The following DNAI4 variants were observed in gnomAD, a reference collection of about 807,000 sequenced individuals.
The protein encoded by DNAI4 is dynein axonemal intermediate chain 4.
Under a neutral mutation model 105.8 loss-of-function variants are expected in DNAI4, and 85 were observed. The observed-to-expected ratio is 0.80, with a 90% CI of 0.67 to 0.96. The LOEUF is 0.96. DNAI4 is among the 40% of genes least tolerant of loss of function. DNAI4 has a pLI of 0.00. For synonymous variants in DNAI4, 352 were observed against 331.5 expected (o/e 1.06, Z -0.67); for missense variants, 1,014 against 1,005.6 (o/e 1.01, Z -0.11).
At chr1:66,825,428 G>A (rs569132648) in intron 15 of DNAI4, among the ~76,000 whole-genome samples, 27 of 151,882 alleles carry the variant, frequency 1.8e-4, no homozygotes, top group African/African-American at 5.3e-4. Flanking sequence ...TGATCCACCC[G>A]CCTCGGCCTC....
At chr1:66,844,151 A>G (rs1039955978) in intron 8 of DNAI4, among the ~76,000 whole-genome samples, 2 of 151,314 alleles carry the variant, frequency 1.3e-5, no homozygotes, top group African/African-American at 4.8e-5. Context: ...AATTAATTCA[A>G]AATAAATAAC....
chr1:66,905,918 C>CTTTTTTTTTTTTTT (rs34206774), intron 1 of DNAI4, among the ~76,000 whole-genome samples: 1 of 96,404 alleles, frequency 1.0e-5, no homozygotes, highest in Non-Finnish European at 1.9e-5. Flanking sequence ...TTATATACTA[C>CTTTTTTTTTTTTTT]TTTTTTTTTT....
At chr1:66,875,051 G>C in intron 4 of DNAI4, 114 bp from the exon 5 acceptor site, 1 of 1,023,896 alleles carries the variant, frequency 9.8e-7, no homozygotes, top group East Asian at 2.6e-5. Flanking sequence ...GGTTTATATA[G>C]TCAAGGAACA....
At chr1:66,886,240 G>A (rs1348696788) in intron 4 of DNAI4, among the ~76,000 whole-genome samples, 2 of 152,002 alleles carry the variant, frequency 1.3e-5, no homozygotes, top group Non-Finnish European at 2.9e-5. Context: ...CTTGCACATT[G>A]TATACTTTCT....
chr1:66,924,728 G>A lies in DNAI4; in HGVS notation c.104C>T (p.Thr35Ile). ...TGGCATGGTGGCGACCAGCTGGGGA[G>A]TGGTGCACCACCCCTTTTTTTGGCC... ...RGGQKKGWCTTPQLVATMPVS... is the reference protein window; with the variant it reads ...RGGQKKGWCTIPQLVATMPVS... The change falls in exon 1 of 17, where the codon ACT (threonine) becomes ATT (isoleucine). Residue 35 changes from threonine to isoleucine, a missense_variant. Thr to Ile is a moderately conservative substitution (Grantham distance 89). Coordinates refer to ENST00000371026, the MANE Select transcript of DNAI4 (RefSeq NM_024763.5). 6.2e-7 allele frequency: 1 copy of A among 1,614,222 alleles called. No homozygotes were observed. Among genetic ancestry groups the A allele is most frequent in the Non-Finnish European group, 8.5e-7 (1 of 1,180,036 alleles).
intron 2 of DNAI4, chr1:66,904,730 C>T (rs1012547311): frequency 6.5e-6 from 1 of 153,030 alleles, no homozygotes; most frequent in Non-Finnish European, 1.5e-5. Flanking sequence ...TTTTAATGTC[C>T]CATCTAAACA....
At chr1:66,843,627 G>A (rs537350383) in intron 8 of DNAI4, among the ~76,000 whole-genome samples, 2 of 152,088 alleles carry the variant, frequency 1.3e-5, no homozygotes, top group South Asian at 4.2e-4. Context: ...GTCATCTAGT[G>A]TTTCTCCTAT....
chr1:66,816,728 CACA>C (rs1645525797), intron 16 of DNAI4, among the ~76,000 whole-genome samples: 1 of 1,522 alleles, frequency 6.6e-4, no homozygotes. Context: ...GCCTTGAAAT[CACA>C]CACACACACA....
At chr1:66,893,065 G>A (rs55645698) in intron 3 of DNAI4, among the ~76,000 whole-genome samples, 164 bp downstream of exon 3, 3,940 of 85,474 alleles carry the variant, frequency 0.046, 212 homozygotes, top group Middle Eastern at 0.13. Flanking sequence ...GAGAGAGAGA[G>A]AAAGAAAGAA....
At chr1:66,863,359 C>T (rs1223233364) in intron 6 of DNAI4, among the ~76,000 whole-genome samples, 2 of 152,140 alleles carry the variant, frequency 1.3e-5, no homozygotes, top group Non-Finnish European at 2.9e-5. Context: ...CTCTTAATTG[C>T]TACAACTATT....
chr1:66,843,847 T>C (rs1024059615), intron 8 of DNAI4, among the ~76,000 whole-genome samples: 1 of 152,132 alleles, frequency 6.6e-6, no homozygotes, highest in African/African-American at 2.4e-5. Flanking sequence ...CTCTATTCTG[T>C]TCTATTCTAT....
chr1:66,905,805 C>T (rs898576725), intron 1 of DNAI4, among the ~76,000 whole-genome samples: 1 of 152,096 alleles, frequency 6.6e-6, no homozygotes, highest in Non-Finnish European at 1.5e-5. Flanking sequence ...GTTAGTAAGT[C>T]CCTGGCACAT....
intron 1 of DNAI4, among the ~76,000 whole-genome samples, chr1:66,912,780 C>T (rs916283876): frequency 6.6e-6 from 1 of 152,112 alleles, no homozygotes; most frequent in Non-Finnish European, 1.5e-5. Context: ...TTGGTAACCA[C>T]GAAGGGATTC....
intron 1 of DNAI4, chr1:66,921,473 G>A (rs767997580): frequency 2.6e-5 from 4 of 152,132 alleles, no homozygotes; most frequent in African/African-American, 4.8e-5. Flanking sequence ...GTGAAACTTC[G>A]TTTTAATTAG....
chr1:66,837,599 T>C, intron 10 of DNAI4, 111 bp downstream of exon 10: 1 of 1,254,454 alleles, frequency 8.0e-7, no homozygotes, highest in South Asian at 1.5e-5. Context: ...GAAAATAGTC[T>C]TGATTGATAA....
rs762048179 is a variant in DNAI4 at position 66,847,471 on chromosome 1, T to C, written c.1291+13A>G. Reference sequence around the variant, plus strand: ...CTGCACCCAGCCTAAACATGTTTATTTTTTTTAAATACCTTTTAAAACAGG... The same window carrying C: ...CTGCACCCAGCCTAAACATGTTTATCTTTTTTAAATACCTTTTAAAACAGG... On this transcript the variant is annotated intron_variant, in intron 8 of 16. Coordinates refer to ENST00000371026, the MANE Select transcript of DNAI4 (RefSeq NM_024763.5). 1.9e-6 allele frequency: 3 copies of C among 1,608,574 alleles called. No individual in the cohort carries two copies. Among genetic ancestry groups the C allele is most frequent in the Non-Finnish European group, 2.5e-6 (3 of 1,178,324 alleles).
intron 10 of DNAI4, among the ~76,000 whole-genome samples, chr1:66,836,184 GAA>G (rs1557908037): frequency 8.4e-5 from 5 of 59,760 alleles, no homozygotes; most frequent in African/African-American, 2.9e-4. Flanking sequence ...AAGAAAGAAA[GAA>G]AGAAAGAAAG....
intron 6 of DNAI4, among the ~76,000 whole-genome samples, chr1:66,869,867 G>A (rs559525922): frequency 3.8e-4 from 58 of 152,144 alleles, no homozygotes; most frequent in Non-Finnish European, 4.6e-4. Context: ...GGGAATAACC[G>A]TACATCCCCA....
chr1:66,913,531 G>A (rs1649817458), intron 1 of DNAI4, among the ~76,000 whole-genome samples: 1 of 152,128 alleles, frequency 6.6e-6, no homozygotes, highest in African/African-American at 2.4e-5. Context: ...CTGGGACCTC[G>A]TGGAAGTATC....
Sources: allele counts gnomAD v4.1 joint callset (sites outside exome capture counted in the v4.1 genomes callset), GRCh38; gene constraint gnomAD v4.1.1; transcripts MANE v1.5; gene names NCBI Gene and HGNC (gene_info 2026-07-23, HGNC 2026-07-21).